The following DDX17 variants were observed in gnomAD, a reference collection of about 807,000 sequenced individuals.
The protein encoded by DDX17 is DEAD-box helicase 17, also known as probable ATP-dependent RNA helicase DDX17.
Under a neutral mutation model 80.8 loss-of-function variants are expected in DDX17, and 10 were observed. That is an observed-to-expected ratio of 0.12 (90% CI 0.08 to 0.21). DDX17 has a LOEUF of 0.21. DDX17 is among the 10% of genes least tolerant of loss of function. The pLI, the probability that DDX17 is intolerant of heterozygous loss-of-function variation, is 1.00. For missense variants in DDX17, 586 were observed against 957.4 expected (o/e 0.61, Z 5.12); for synonymous variants, 339 against 336.2 (o/e 1.01, Z -0.09).
Position 38,486,403 on chromosome 22 carries a change from G to C in DDX17, c.1722C>G (p.Asn574Lys). The C allele has an allele frequency of 1.9e-6, 3 of 1,612,424 alleles. No homozygotes were observed. Among genetic ancestry groups the C allele is most frequent in the Non-Finnish European group, 2.5e-6 (3 of 1,179,226 alleles). ...CATCCTGATACATCAGATTGGGATT[G>C]TTGGCTGAAGAAGTGGTCCGGTAAC... The change falls in exon 13 of 13, where the codon AAC becomes AAG. Residue 574 changes from asparagine to lysine, a missense_variant. By Grantham distance (94) the Asn-to-Lys change is moderately conservative. This residue lies in a region of DDX17 where 221 missense variants were observed against 261.4 expected (regional missense o/e 0.85). Transcript: ENST00000403230.
At chr22:38,492,475 C>T (rs2145693681) in intron 10 of DDX17, among the ~76,000 whole-genome samples, 1 of 152,168 alleles carries the variant, frequency 6.6e-6, no homozygotes, top group South Asian at 2.1e-4. Context: ...AAAAGGTATG[C>T]ATATTATTTA....
At position 38,489,869 on chromosome 22, in the gene DDX17, T is replaced by C. The variant is rs1176675803; in HGVS notation, c.1448-1754A>G. On this transcript the variant is annotated intron_variant, in intron 11 of 12. Transcript: ENST00000403230. The surrounding 1 kb of genome is among the most constrained non-coding windows in gnomAD (Gnocchi z 4.6). ...ACAGGGGGTGGGGAATTCTACTCCA[T>C]GGTATCTTCAGAGCTAGGATAATGC... is the stretch of plus-strand genomic sequence containing the variant. 7.1e-5 allele frequency: 70 copies of C among 985,868 alleles called. No homozygotes were observed. Among genetic ancestry groups the C allele is most frequent in the East Asian group, 1.1e-4 (1 of 8,834 alleles). 61.1% of individuals were successfully genotyped at this position (985,868 alleles called of 1,614,324 possible).
At chr22:38,499,665 CTTACTTTG>C (rs2089807085) in intron 2 of DDX17, among the ~76,000 whole-genome samples, 166 bp from the exon 3 acceptor site, 1 of 152,152 alleles carries the variant, frequency 6.6e-6, no homozygotes. Flanking sequence ...AAGGCTCCTA[CTTACTTTG>C]TAAGTTAATT....
intron 11 of DDX17, 97 bp from the exon 12 acceptor site, chr22:38,488,212 T>A (rs761923737): frequency 1.2e-6 from 2 of 1,602,538 alleles, no homozygotes; most frequent in South Asian, 2.2e-5. Context: ...CGAATGCAGA[T>A]GACAGCAAGA....
In DDX17 at chr22:38,485,965, A is replaced by T. The variant is rs1166697746; in HGVS notation, c.2160T>A (p.Pro720=). The change falls in exon 13 of 13, where the codon CCT becomes CCA. Residue 720 remains proline (P), a synonymous_variant. Coordinates refer to ENST00000403230, the MANE Select transcript of DDX17 (RefSeq NM_006386.5). ...TACGTGAAGGAGGAGGAGGGGGAGG[A>T]GGAGGAGGGTATTGGTAGGCAGTCT... The T allele has an allele frequency of 6.2e-7, 1 of 1,613,612 alleles. No homozygotes were observed. The highest frequency in any genetic ancestry group is 1.1e-5 in the South Asian group (1 of 91,062).
intron 5 of DDX17, 138 bp from the exon 6 acceptor site, chr22:38,496,075 T>C: frequency 1.4e-6 from 1 of 740,186 alleles, no homozygotes; most frequent in Non-Finnish European, 2.0e-6. Context: ...GGGGTGAAGA[T>C]CAGAAGTGGG....
chr22:38,498,719 A>G, intron 3 of DDX17, 146 bp from the exon 4 acceptor site: 1 of 832,088 alleles, frequency 1.2e-6, no homozygotes. Flanking sequence ...TAGATCTCCG[A>G]CCAACTCACT....
chr22:38,485,861 A>G lies in DDX17; in HGVS notation c.*74T>C. On this transcript the variant is annotated 3_prime_UTR_variant, in exon 13 of 13. Coordinates refer to ENST00000403230, the MANE Select transcript of DDX17 (RefSeq NM_006386.5). ...AAGGAAAAAAAAAGAAAAGGCGAAGAGGAAAAAAAAAGGAAAGACAGTGTT... is the reference window on the plus strand; with the variant it reads ...AAGGAAAAAAAAAGAAAAGGCGAAGGGGAAAAAAAAAGGAAAGACAGTGTT... 6.8e-7 allele frequency: 1 copy of G among 1,480,754 alleles called. No individual in the cohort carries two copies. The highest frequency in any genetic ancestry group is 2.5e-5 in the Admixed American group (1 of 39,366). The allele number at this position is 1,480,754 out of a possible 1,614,324, so 91.7% of individuals were successfully genotyped here.
chr22:38,501,056 C>G, intron 2 of DDX17, 74 bp downstream of exon 2: 2 of 1,508,428 alleles, frequency 1.3e-6, no homozygotes, highest in Admixed American at 4.7e-5. Flanking sequence ...GCAACAGTAG[C>G]GTATGAATAA....
At chr22:38,494,217 A>G (rs2089739463) in intron 8 of DDX17, 86 bp from the exon 9 acceptor site, 2 of 926,486 alleles carry the variant, frequency 2.2e-6, no homozygotes, top group South Asian at 3.0e-5. Context: ...CCAAGGCTAC[A>G]GTACTTTCTT....
intron 11 of DDX17, 127 bp from the exon 12 acceptor site, chr22:38,488,242 TA>T: frequency 3.2e-6 from 5 of 1,583,534 alleles, no homozygotes; most frequent in Non-Finnish European, 2.6e-6. Flanking sequence ...GTGAAGTTAG[TA>T]ACCACTCTGA....
chr22:38,494,788 T>C lies in DDX17; in HGVS notation c.1056A>G (p.Thr352=), dbSNP rs1237567973. Residue 352 remains threonine (T), a synonymous_variant, in exon 8 of 13, where the codon ACA becomes ACG. Transcript: ENST00000403230. ...TTGGCCAGGTTGCACTCCACATCAG[T>C]GTCTGCCTATCAGGCTATCAAAAAA... The C allele has an allele frequency of 2.5e-6, 4 of 1,614,226 alleles. No homozygotes were observed. The East Asian group carries it at 6.7e-5, about 27-fold the overall frequency.
chr22:38,495,126 A>C (rs1439517144), intron 6 of DDX17, 80 bp from the exon 7 acceptor site: 15 of 1,431,330 alleles, frequency 1.0e-5, no homozygotes, highest in Non-Finnish European at 1.2e-5. Flanking sequence ...TGGGAAGAGG[A>C]GGCGGGAAGA....
intron 10 of DDX17, among the ~76,000 whole-genome samples, chr22:38,492,524 T>C (rs1041245424): frequency 5.3e-5 from 8 of 152,334 alleles, no homozygotes; most frequent in Middle Eastern, 3.4e-3. Context: ...TTCGCTCTTA[T>C]TGCCGAGGCT....
chr22:38,501,704 T>A (rs779856754), intron 1 of DDX17, among the ~76,000 whole-genome samples: 4 of 152,192 alleles, frequency 2.6e-5, no homozygotes, highest in Non-Finnish European at 5.9e-5. Flanking sequence ...GACCTAATAA[T>A]GTGTAATGTA....
At position 38,506,021 on chromosome 22, in the gene DDX17, C is replaced by T. The variant is rs759685482; in HGVS notation, c.217G>A (p.Asp73Asn). The T allele has an allele frequency of 4.2e-5, 67 of 1,591,230 alleles. No individual in the cohort carries two copies. Among genetic ancestry groups the T allele is most frequent in the Non-Finnish European group, 5.6e-5 (66 of 1,169,580 alleles). ...CGCATGGTCCCAAAAGGATAGAGAT[C>T]TGGGAGCGGGGCACGGATGGCCGGG... Residue 73 changes from aspartate to asparagine, a missense_variant, in exon 1 of 13, where the codon GAT becomes AAT. Physicochemically the swap from Asp to Asn is conservative, Grantham distance 23. Coordinates refer to ENST00000403230, the MANE Select transcript of DDX17 (RefSeq NM_006386.5).
At chr22:38,505,800 C>A (rs1343965564) in intron 1 of DDX17, 151 bp downstream of exon 1, 4 of 1,020,338 alleles carry the variant, frequency 3.9e-6, no homozygotes, top group Non-Finnish European at 5.6e-6. Flanking sequence ...GGGCCGAGGT[C>A]CGCGCACGAA....
intron 12 of DDX17, 121 bp from the exon 13 acceptor site, chr22:38,486,561 C>A: frequency 7.3e-7 from 1 of 1,370,914 alleles, no homozygotes; most frequent in Non-Finnish European, 9.7e-7. Flanking sequence ...TTATGCTGGC[C>A]AGCCTCCCAA....
In DDX17 at chr22:38,485,295, G is replaced by C. The variant is rs1185620891; in HGVS notation, c.*640C>G. 6.6e-6 allele frequency: 1 copy of C among 152,166 alleles called. No individual in the cohort carries two copies. Among genetic ancestry groups the C allele is most frequent in the Non-Finnish European group, 1.5e-5 (1 of 68,036 alleles). 9.4% of individuals were successfully genotyped at this position (152,166 alleles called of 1,614,324 possible). On this transcript the variant is annotated 3_prime_UTR_variant, in exon 13 of 13. Transcript: ENST00000403230. ...TAAAATGGTTATTTTTCAGTAACGG[G>C]GGGAGAAGTGGGGAGGCAGAGTGTG...
Sources: allele counts gnomAD v4.1 joint callset (sites outside exome capture counted in the v4.1 genomes callset), GRCh38; gene constraint gnomAD v4.1.1; regional missense constraint gnomAD v4.1.1; non-coding constraint Gnocchi (gnomAD v3.1); transcripts MANE v1.5; gene names NCBI Gene and HGNC (gene_info 2026-07-23, HGNC 2026-07-21).